Variants in DCAF1 observed in about 807,000 individuals in gnomAD.
The protein encoded by DCAF1 is DDB1- and CUL4-associated factor 1.
In DCAF1, 15 loss-of-function variants were observed where a neutral mutation model predicts 128.0. The observed-to-expected ratio is 0.12, with a 90% CI of 0.08 to 0.18. The LOEUF is 0.18. DCAF1 is among the 10% of genes least tolerant of loss of function. DCAF1 has a pLI of 1.00. For synonymous variants in DCAF1, 610 were observed against 603.0 expected, an observed-to-expected ratio of 1.01 and a Z score of -0.17; for missense variants, 988 against 1,649.5, an observed-to-expected ratio of 0.60 and a Z score of 6.95.
downstream of DCAF1, chr3:51,396,062 C>CAACA (rs1553622813): frequency 2.4e-6 from 1 of 411,438 alleles, no homozygotes; most frequent in East Asian, 3.6e-5. Context: ...TGCAGCTCTC[C>CAACA]AACAAACGCC....
chr3:51,432,247 G>A (rs1313280662), intron 10 of DCAF1, among the ~76,000 whole-genome samples: 1 of 140,522 alleles, frequency 7.1e-6, no homozygotes, highest in Non-Finnish European at 1.5e-5. Context: ...CTCCAACCTG[G>A]GAGACAGAGC....
At chr3:51,503,662 G>A (rs1708872389), upstream of DCAF1, among the ~76,000 whole-genome samples, 3 of 152,288 alleles carry the variant, frequency 2.0e-5, no homozygotes, top group East Asian at 5.8e-4. Flanking sequence ...GGGAACACCA[G>A]CCTGGACAAA....
In DCAF1 at chr3:51,407,972, G is replaced by A. The variant is rs189680166; in HGVS notation, c.4212+4407C>T. ...TGCGCTCCAGCCTGGGTGACAGGGC[G>A]AGACTCCATCTCAAAAAAAAAAAAA... On this transcript the variant is annotated intron_variant, in intron 23 of 24. Transcript: ENST00000684031. Among the ~76,000 whole-genome samples, 245 of 101,562 alleles carry A rather than the reference G, an allele frequency of 2.4e-3. 3 individuals are homozygous for A. The highest frequency in any genetic ancestry group is 8.3e-3 in the African/African-American group (213 of 25,742). 66.6% of individuals were successfully genotyped at this position (101,562 alleles called of 152,430 possible).
intron 24 of DCAF1, among the ~76,000 whole-genome samples, chr3:51,401,237 C>T (rs927611842): frequency 2.6e-5 from 4 of 151,714 alleles, no homozygotes; most frequent in South Asian, 2.1e-4. Context: ...CCAGGGCCTA[C>T]GTAAAGGTAC....
intron 2 of DCAF1, among the ~76,000 whole-genome samples, chr3:51,493,529 AC>A (rs1707895875): frequency 1.3e-5 from 2 of 152,202 alleles, no homozygotes; most frequent in African/African-American, 2.4e-5. Context: ...AAAAGTAGAA[AC>A]AACCCAAAAG....
chr3:51,456,369 G>A (rs998064793), intron 6 of DCAF1, among the ~76,000 whole-genome samples: 19 of 152,312 alleles, frequency 1.2e-4, no homozygotes, highest in South Asian at 2.1e-4. Flanking sequence ...AGGGGCGCCC[G>A]CCATTGCTGA....
At chr3:51,492,439 G>A (rs1192778771) in intron 2 of DCAF1, among the ~76,000 whole-genome samples, 4 of 151,822 alleles carry the variant, frequency 2.6e-5, no homozygotes, top group Admixed American at 2.0e-4. Context: ...ACTTGAACTC[G>A]GAGGGGACGG....
intron 3 of DCAF1, among the ~76,000 whole-genome samples, chr3:51,475,271 C>T (rs975248273): frequency 6.6e-6 from 1 of 151,808 alleles, no homozygotes; most frequent in Non-Finnish European, 1.5e-5. Context: ...ACTAGTATCC[C>T]CAGTTGAAAC....
chr3:51,503,791 C>A (rs1480660104), upstream of DCAF1, among the ~76,000 whole-genome samples: 1 of 152,146 alleles, frequency 6.6e-6, no homozygotes, highest in Non-Finnish European at 1.5e-5. Flanking sequence ...GTAATTATGT[C>A]TGATTACATC....
At chr3:51,401,576 T>TA (rs2089706465) in intron 24 of DCAF1, among the ~76,000 whole-genome samples, 1 of 152,238 alleles carries the variant, frequency 6.6e-6, no homozygotes, top group Non-Finnish European at 1.5e-5. Context: ...CTGATAGAGT[T>TA]AAAGTTTTCC....
intron 9 of DCAF1, among the ~76,000 whole-genome samples, chr3:51,438,907 C>T (rs897418435): frequency 8.5e-5 from 13 of 152,060 alleles, no homozygotes; most frequent in African/African-American, 2.9e-4. Flanking sequence ...CACCGCGCTG[C>T]GCCGAAGTGT....
intron 7 of DCAF1, among the ~76,000 whole-genome samples, chr3:51,442,655 C>T (rs188366173): frequency 1.2e-3 from 181 of 151,786 alleles, no homozygotes; most frequent in Non-Finnish European, 2.1e-3. Context: ...GCCGAGATCG[C>T]GTCATTGCAC....
intron 6 of DCAF1, among the ~76,000 whole-genome samples, chr3:51,460,985 CA>C (rs1318337898): frequency 2.0e-5 from 3 of 152,120 alleles, no homozygotes; most frequent in Non-Finnish European, 2.9e-5. Context: ...CAATACCATT[CA>C]GGACACAGGC....
Position 51,420,316 on chromosome 3 carries a change from G to C in DCAF1, c.2654C>G (p.Ser885Cys). Residue 885 changes from serine to cysteine, a missense_variant, in exon 15 of 25, where the codon TCT becomes TGT. By Grantham distance (112) the Ser-to-Cys change is moderately radical. Around this residue, in one of 11 missense-constraint regions of DCAF1, gnomAD observed 88 missense variants for 107.7 expected, o/e 0.82. Transcript: ENST00000684031. The surrounding 1 kb of genome is among the most constrained non-coding windows in gnomAD (Gnocchi z 6.5). The part of the protein sequence containing the change: ...DLPMTAASHS[S>C]AFTPVTAAAS... ...AGCAGCAGTGACTGGGGTAAAGGCA[G>C]AAGAATGGGAGGCAGCAGTCATGGG... 6.2e-7 allele frequency: 1 copy of C among 1,614,046 alleles called. No individual in the cohort carries two copies. The highest frequency in any genetic ancestry group is 8.5e-7 in the Non-Finnish European group (1 of 1,179,892).
intron 9 of DCAF1, 94 bp from the exon 10 acceptor site, chr3:51,433,358 C>T (rs1700545745): frequency 2.5e-6 from 1 of 396,880 alleles, no homozygotes; most frequent in African/African-American, 2.1e-5. Context: ...AATACAAAAG[C>T]CCTCTAAGGA....
chr3:51,457,814 C>A (rs9868612), intron 6 of DCAF1, among the ~76,000 whole-genome samples: 11 of 152,078 alleles, frequency 7.2e-5, no homozygotes, highest in South Asian at 2.1e-4. Flanking sequence ...AGCCAAACTA[C>A]GCTTCATAAG....
In DCAF1 at chr3:51,427,548, G is replaced by A; in HGVS notation, c.1678-7C>T. ...CATGAGTATATGAGCATGCCTATAA[G>A]GAGAGATATATAGTATTATTATTAT... On this transcript the variant is annotated splice_region_variant and splice_polypyrimidine_tract_variant and intron_variant, in intron 12 of 24. Coordinates refer to ENST00000684031, the MANE Select transcript of DCAF1 (RefSeq NM_001387579.1). The A allele has an allele frequency of 2.9e-6, 2 of 691,952 alleles. 1 individual carries two copies. The highest frequency in any genetic ancestry group is 3.2e-5 in the South Asian group (2 of 61,648). 42.9% of individuals were successfully genotyped at this position (691,952 alleles called of 1,614,324 possible). A position where few individuals can be genotyped will look rare whatever the true frequency, so the allele number is the denominator to read the frequency against.
chr3:51,492,055 G>A (rs1707712736), intron 2 of DCAF1, among the ~76,000 whole-genome samples: 1 of 150,444 alleles, frequency 6.6e-6, no homozygotes, highest in South Asian at 2.1e-4. Flanking sequence ...ACTCGGGGGG[G>A]CTGAGGGAGG....
In DCAF1 at chr3:51,468,351, T is replaced by C. The variant is rs1704361615; in HGVS notation, c.188-1475A>G. 2.0e-5 allele frequency among the ~76,000 whole-genome samples: 3 copies of C among 152,192 alleles called. No homozygotes were observed. In the South Asian group the frequency reaches 6.2e-4, roughly 32 times the overall value. On this transcript the variant is annotated intron_variant, in intron 4 of 24. Transcript: ENST00000684031. ...CACGCTCAGCTAATTCCTGTATTTTTAGTAGAGTCGGGGTTTCACCATGTT... is the reference window on the plus strand; with the variant it reads ...CACGCTCAGCTAATTCCTGTATTTTCAGTAGAGTCGGGGTTTCACCATGTT...
Sources: gnomAD v4.1 joint callset for allele counts (sites outside exome capture counted in the v4.1 genomes callset) on GRCh38, gnomAD v4.1.1 for gene constraint, gnomAD v4.1.1 regional missense constraint, Gnocchi (gnomAD v3.1) non-coding constraint, MANE v1.5 for transcripts, NCBI Gene and HGNC (gene_info 2026-07-23, HGNC 2026-07-21) for gene names.